Variants in CNTNAP3 observed in about 807,000 individuals in gnomAD.
The protein encoded by CNTNAP3 is contactin associated protein family member 3.
Under a neutral mutation model 92.1 loss-of-function variants are expected in CNTNAP3, and 36 were observed. The ratio of observed to expected loss-of-function variants is 0.39; its 90% confidence interval spans 0.30 to 0.52. The LOEUF is 0.52. CNTNAP3 is among the 20% of genes least tolerant of loss of function. The pLI is 0.76. For missense variants in CNTNAP3, 534 were observed against 1,069.6 expected, an observed-to-expected ratio of 0.50 and a Z score of 6.98; for synonymous variants, 232 against 422.3, an observed-to-expected ratio of 0.55 and a Z score of 5.53.
At chr9:39,123,984 A>G (rs1472383708) in intron 13 of CNTNAP3, among the ~76,000 whole-genome samples, 1 of 152,124 alleles carries the variant, frequency 6.6e-6, no homozygotes, top group East Asian at 1.9e-4. Context: ...AGAAATACAT[A>G]AAGAAAGGTA....
rs1272666468 is a variant in CNTNAP3, at chr9:39,250,675, G to A, written c.197-11489C>T. On this transcript the variant is annotated intron_variant, in intron 2 of 23. Transcript: ENST00000297668. ...CTGCTGAAGCATACTCTTTGCGTAAGTAAATAAGATTAATTTCTTTAAAAT... is the reference window on the plus strand; with the variant it reads ...CTGCTGAAGCATACTCTTTGCGTAAATAAATAAGATTAATTTCTTTAAAAT... Among the ~76,000 whole-genome samples the A allele has an allele frequency of 5.1e-4, 4 of 7,856 alleles. 2 individuals are homozygous for A. Among genetic ancestry groups the A allele is most frequent in the African/African-American group, 5.4e-4 (4 of 7,390 alleles). The allele number at this position is 7,856 out of a possible 152,430, so 5.2% of individuals were successfully genotyped here. A position where few individuals can be genotyped will look rare whatever the true frequency, so the allele number is the denominator to read the frequency against.
intron 10 of CNTNAP3, among the ~76,000 whole-genome samples, chr9:39,149,346 TTTTG>T (rs145000159): frequency 0.049 from 7,368 of 151,700 alleles, 304 homozygotes; most frequent in South Asian, 0.11. Flanking sequence ...GAGATGCAGT[TTTTG>T]TTTTTGTTTT....
intron 14 of CNTNAP3, among the ~76,000 whole-genome samples, chr9:39,117,346 C>T (rs564972370): frequency 2.0e-5 from 3 of 152,050 alleles, no homozygotes; most frequent in African/African-American, 7.2e-5. Flanking sequence ...TATGACAATG[C>T]TTTTTAAGTT....
rs548466378 is a variant in CNTNAP3 at position 39,128,027 on chromosome 9, C to T, written c.2080+4905G>A. On this transcript the variant is annotated intron_variant, in intron 13 of 23. Transcript: ENST00000297668. ...CTAATTTTTGTATTTTTAGTGGAGA[C>T]GGGGTTTCACCATGTTGGCCAGGCA... Among the ~76,000 whole-genome samples the T allele has an allele frequency of 2.0e-4, 31 of 152,076 alleles. 1 individual carries two copies. The highest frequency in any genetic ancestry group is 3.9e-4 in the African/African-American group (16 of 41,460).
Position 39,104,021 on chromosome 9 carries a change from C to G in CNTNAP3, c.2366-107G>C, listed in dbSNP as rs3119738. ...TGACTGCTAAATACATTAATAGAAT[C>G]TATATGAGCTTTCACTGGGGGTTCT... is the stretch of plus-strand genomic sequence containing the variant. On this transcript the variant is annotated intron_variant, in intron 15 of 23. Coordinates refer to ENST00000297668, the MANE Select transcript of CNTNAP3 (RefSeq NM_033655.5). 786 of 1,490,470 alleles carry G rather than the reference C, an allele frequency of 5.3e-4. 3 individuals carry two copies. The highest frequency in any genetic ancestry group is 1.3e-3 in the East Asian group (55 of 42,598). The allele number at this position is 1,490,470 out of a possible 1,614,324, so 92.3% of individuals were successfully genotyped here.
chr9:39,092,846 C>G lies in CNTNAP3; in HGVS notation c.2996-4199G>C, dbSNP rs1038596748. The stretch of plus-strand genomic sequence containing the variant: ...GGTTTTATTCCTAGTTTTTCTATTT[C>G]TCTTTTCAGTTCTGTCAGGTATTCT... On this transcript the variant is annotated intron_variant, in intron 18 of 23. Coordinates refer to ENST00000297668, the MANE Select transcript of CNTNAP3 (RefSeq NM_033655.5). 3.0e-4 allele frequency among the ~76,000 whole-genome samples: 42 copies of G among 140,900 alleles called. 1 individual carries two copies. Among genetic ancestry groups the G allele is most frequent in the African/African-American group, 1.1e-3 (41 of 38,602 alleles). The allele number at this position is 140,900 out of a possible 152,430, so 92.4% of individuals were successfully genotyped here.
intron 21 of CNTNAP3, among the ~76,000 whole-genome samples, chr9:39,084,221 C>CA (rs1346707732): frequency 1.9e-5 from 2 of 107,596 alleles, no homozygotes; most frequent in Non-Finnish European, 1.8e-5. Context: ...TTTTTTGAGA[C>CA]AGAGTCTCGC....
chr9:39,124,142 A>G (rs1563885380), intron 13 of CNTNAP3, among the ~76,000 whole-genome samples: 1 of 152,032 alleles, frequency 6.6e-6, no homozygotes, highest in Non-Finnish European at 1.5e-5. Flanking sequence ...ATGTAATACA[A>G]AATAAGACAG....
At chr9:39,148,660 G>C (rs1417202899) in intron 10 of CNTNAP3, among the ~76,000 whole-genome samples, 7 of 151,902 alleles carry the variant, frequency 4.6e-5, no homozygotes. Flanking sequence ...CGAGTAGCTG[G>C]AACTACAGGC....
At chr9:39,111,064 G>A (rs1467015398) in intron 14 of CNTNAP3, among the ~76,000 whole-genome samples, 1 of 151,630 alleles carries the variant, frequency 6.6e-6, no homozygotes, top group Non-Finnish European at 1.5e-5. Context: ...TGGCATGTCA[G>A]AGTTGTACAT....
At chr9:39,124,823 A>AGT (rs1821118696) in intron 13 of CNTNAP3, among the ~76,000 whole-genome samples, 1 of 152,208 alleles carries the variant, frequency 6.6e-6, no homozygotes, top group Non-Finnish European at 1.5e-5. Flanking sequence ...ATTTCACACC[A>AGT]GTTAGAATGA....
intron 13 of CNTNAP3, among the ~76,000 whole-genome samples, chr9:39,127,510 GA>G: frequency 6.6e-6 from 1 of 152,200 alleles, no homozygotes; most frequent in Middle Eastern, 3.4e-3. Context: ...CAGTAAGATT[GA>G]AAAACTTCTA....
chr9:39,065,178 G>A lies in CNTNAP3; in HGVS notation c.*8712C>T, dbSNP rs1825483530. 6.6e-6 allele frequency among the ~76,000 whole-genome samples: 1 copy of A among 152,240 alleles called. No homozygotes were observed. The highest frequency in any genetic ancestry group is 2.1e-4 in the South Asian group (1 of 4,838). ...TCCCACCTCAACCCAGGTAACTACTGATACAATTTCTACTGCTATATCTTA... is the reference window on the plus strand; with the variant it reads ...TCCCACCTCAACCCAGGTAACTACTAATACAATTTCTACTGCTATATCTTA... On this transcript the variant is annotated 3_prime_UTR_variant, in exon 24 of 24. Coordinates refer to ENST00000297668, the MANE Select transcript of CNTNAP3 (RefSeq NM_033655.5).
At chr9:39,129,944 A>G (rs1239518703) in intron 13 of CNTNAP3, among the ~76,000 whole-genome samples, 3 of 152,198 alleles carry the variant, frequency 2.0e-5, no homozygotes, top group Non-Finnish European at 2.9e-5. Context: ...AAACCACAAT[A>G]AAGATATTAC....
intron 18 of CNTNAP3, among the ~76,000 whole-genome samples, chr9:39,098,966 T>G (rs1449786774): frequency 6.8e-6 from 1 of 146,702 alleles, no homozygotes; most frequent in African/African-American, 2.5e-5. Flanking sequence ...CAGTCCCTTT[T>G]TCCTTTTCTT....
At chr9:39,109,885 G>T (rs1196718464) in intron 14 of CNTNAP3, among the ~76,000 whole-genome samples, 5 of 149,486 alleles carry the variant, frequency 3.3e-5, no homozygotes, top group Non-Finnish European at 7.5e-5. Context: ...AATAAAAATA[G>T]TAACACTGGA....
chr9:39,096,061 C>G (rs3124713), intron 18 of CNTNAP3, among the ~76,000 whole-genome samples: 15 of 141,196 alleles, frequency 1.1e-4, no homozygotes, highest in East Asian at 4.6e-4. Flanking sequence ...CAGCCTTGCT[C>G]CCATCTGTCT....
chr9:39,102,279 GAAAACAAAAACA>G (rs1201969257), intron 17 of CNTNAP3, among the ~76,000 whole-genome samples: 742 of 150,168 alleles, frequency 4.9e-3, no homozygotes, highest in African/African-American at 0.018. Context: ...GACTCTGTCT[GAAAACAAAAACA>G]AAAACAAAAA....
chr9:39,118,274 T>A lies in CNTNAP3; in HGVS notation c.2081-15A>T. On this transcript the variant is annotated splice_polypyrimidine_tract_variant and intron_variant, in intron 13 of 23. Transcript: ENST00000297668. Reference sequence around the variant, plus strand: ...TGGGGTTCCATCTGAAAGACAAGTATAAGAAACATGACATCTACTTTGTCC... The same window carrying A: ...TGGGGTTCCATCTGAAAGACAAGTAAAAGAAACATGACATCTACTTTGTCC... 6.2e-7 allele frequency: 1 copy of A among 1,613,096 alleles called. No homozygotes were observed. Among genetic ancestry groups the A allele is most frequent in the Non-Finnish European group, 8.5e-7 (1 of 1,179,662 alleles).
Sources: gnomAD v4.1 joint callset for allele counts (sites outside exome capture counted in the v4.1 genomes callset) on GRCh38, gnomAD v4.1.1 for gene constraint, MANE v1.5 for transcripts, NCBI Gene and HGNC (gene_info 2026-07-23, HGNC 2026-07-21) for gene names.